Variants in SH3PXD2A observed in about 807,000 individuals in gnomAD.
SH3PXD2A encodes the protein SH3 and PX domains 2A.
Under a neutral mutation model 115.2 loss-of-function variants are expected in SH3PXD2A, and 32 were observed. That is an observed-to-expected ratio of 0.28 (90% confidence interval 0.21 to 0.37). SH3PXD2A has a LOEUF of 0.37. Among genes scored for constraint, SH3PXD2A ranks in the 10% least tolerant of loss-of-function variants. The pLI, the probability that SH3PXD2A is intolerant of heterozygous loss-of-function variation, is 1.00. For missense variants in SH3PXD2A, 1,328 were observed against 1,498.7 expected, an observed-to-expected ratio of 0.89 and a Z score of 1.88; for synonymous variants, 610 against 629.1, an observed-to-expected ratio of 0.97 and a Z score of 0.45.
At chr10:103,803,331 G>A (rs1045155585) in intron 1 of SH3PXD2A, among the ~76,000 whole-genome samples, 5 of 152,134 alleles carry the variant, frequency 3.3e-5, no homozygotes, top group African/African-American at 7.2e-5. Context: ...TATAATAAAT[G>A]GGGGTATGCT....
chr10:103,675,094 C>T (rs1310932777), intron 6 of SH3PXD2A, among the ~76,000 whole-genome samples: 2 of 152,036 alleles, frequency 1.3e-5, no homozygotes, highest in African/African-American at 4.8e-5. Flanking sequence ...CACTGGAGGG[C>T]GAGGGGTGAA....
chr10:103,847,954 C>G (rs7910369), intron 1 of SH3PXD2A, among the ~76,000 whole-genome samples: 4 of 962 alleles, frequency 4.2e-3, no homozygotes, highest in African/African-American at 0.017. Flanking sequence ...AAAAAAAAAC[C>G]AACTAAAACA....
chr10:103,730,328 G>A (rs1380648445), intron 4 of SH3PXD2A, among the ~76,000 whole-genome samples: 1 of 148,230 alleles, frequency 6.7e-6, no homozygotes, highest in African/African-American at 2.5e-5. Flanking sequence ...GAAATCTTGT[G>A]GGTAAAAGCC....
intron 3 of SH3PXD2A, among the ~76,000 whole-genome samples, chr10:103,759,387 A>C (rs1028050560): frequency 6.6e-6 from 1 of 152,174 alleles, no homozygotes; most frequent in African/African-American, 2.4e-5. Context: ...TTTCTCCCTA[A>C]GCAATCTCAC....
chr10:103,835,245 TCTG>T (rs1379030074), intron 1 of SH3PXD2A, among the ~76,000 whole-genome samples: 1 of 152,206 alleles, frequency 6.6e-6, no homozygotes, highest in African/African-American at 2.4e-5. Flanking sequence ...CAGACTTGCA[TCTG>T]GGATTGCAGC....
At chr10:103,823,220 G>C (rs891963658) in intron 1 of SH3PXD2A, among the ~76,000 whole-genome samples, 2 of 152,202 alleles carry the variant, frequency 1.3e-5, no homozygotes, top group African/African-American at 4.8e-5. Context: ...AGGTAGCCTA[G>C]GTTTGCTGAC....
intron 2 of SH3PXD2A, among the ~76,000 whole-genome samples, chr10:103,795,274 G>A (rs575212561): frequency 6.6e-5 from 10 of 151,888 alleles, no homozygotes; most frequent in African/African-American, 1.9e-4. Flanking sequence ...AGTGGCCACC[G>A]CGTTGGACAG....
intron 5 of SH3PXD2A, among the ~76,000 whole-genome samples, chr10:103,702,596 C>CCTGTGTGTGTGCGTGTGTGTGTGTGT (rs72182362): frequency 2.7e-5 from 4 of 147,448 alleles, no homozygotes; most frequent in Non-Finnish European, 4.5e-5. Flanking sequence ...TGTGTGTGTG[C>CCTGTGTGTGTGCGTGTGTGTGTGTGT]GTGTGTGTGT....
chr10:103,707,639 G>A (rs1011906837), intron 5 of SH3PXD2A, among the ~76,000 whole-genome samples: 4 of 151,944 alleles, frequency 2.6e-5, no homozygotes, highest in African/African-American at 7.2e-5. Flanking sequence ...TGAACCACCC[G>A]GCCCAGCTGC....
intron 1 of SH3PXD2A, among the ~76,000 whole-genome samples, chr10:103,805,476 A>G (rs2039192768): frequency 6.6e-6 from 1 of 152,234 alleles, no homozygotes; most frequent in Non-Finnish European, 1.5e-5. Flanking sequence ...GCTCACATCC[A>G]TTGGTGGCAG....
Position 103,765,272 on chromosome 10 carries a change from C to A in SH3PXD2A, c.229+1822G>T, listed in dbSNP as rs117019116. On this transcript the variant is annotated intron_variant, in intron 3 of 14. Transcript: ENST00000369774. Reference sequence around the variant, plus strand: ...CGTTCCACCCTCCAAGCCTACCCATCCTGTGGGGGCCAGCTCCAGGCCCCC... The same window carrying A: ...CGTTCCACCCTCCAAGCCTACCCATACTGTGGGGGCCAGCTCCAGGCCCCC... 2.0e-4 allele frequency among the ~76,000 whole-genome samples: 30 copies of A among 152,284 alleles called. No individual in the cohort carries two copies. In the East Asian group the frequency reaches 5.8e-3, roughly 29 times the overall value.
rs1373923107 is a variant in SH3PXD2A, at chr10:103,599,403, G to C, written c.*2413C>G. On this transcript the variant is annotated 3_prime_UTR_variant, in exon 15 of 15. Coordinates refer to ENST00000369774, the MANE Select transcript of SH3PXD2A (RefSeq NM_001394015.1). ...GCAGACATGCTCTGCACTCCCTCCT[G>C]GCCTGGCTGGCGCACTAGTGACTGA... 6.6e-6 allele frequency: 1 copy of C among 152,662 alleles called. No homozygotes were observed. The highest frequency in any genetic ancestry group is 1.9e-4 in the East Asian group (1 of 5,194). 9.5% of individuals were successfully genotyped at this position (152,662 alleles called of 1,614,324 possible).
chr10:103,728,987 G>A lies in SH3PXD2A; in HGVS notation c.307-4626C>T, dbSNP rs569472620. 8.6e-5 allele frequency among the ~76,000 whole-genome samples: 13 copies of A among 150,544 alleles called. 1 individual carries two copies. In the East Asian group the frequency reaches 1.2e-3, roughly 14 times the overall value. ...AGCTCACTGCAGCCTCCCCCTCGCC[G>A]GGTTCAAGCGATTCTCCTGTCTCAG... On this transcript the variant is annotated intron_variant, in intron 4 of 14. Coordinates refer to ENST00000369774, the MANE Select transcript of SH3PXD2A (RefSeq NM_001394015.1).
intron 5 of SH3PXD2A, chr10:103,693,740 C>T (rs912095226): frequency 2.0e-5 from 3 of 152,270 alleles, no homozygotes; most frequent in African/African-American, 2.4e-5. Context: ...TAAGGTCCTT[C>T]TCAAAGGCTA....
chr10:103,594,345 G>A lies in SH3PXD2A; in HGVS notation c.*7471C>T, dbSNP rs553753129. 6 of 152,740 alleles carry A rather than the reference G, an allele frequency of 3.9e-5. No homozygotes were observed. The highest frequency in any genetic ancestry group is 3.9e-4 in the East Asian group (2 of 5,190). 9.5% of individuals were successfully genotyped at this position (152,740 alleles called of 1,614,324 possible). Reference sequence around the variant, plus strand: ...CTGGAAATATTTCAGCACTCAAATCGACTGCACTGAGTTTAATGTCCTTTC... The same window carrying A: ...CTGGAAATATTTCAGCACTCAAATCAACTGCACTGAGTTTAATGTCCTTTC... On this transcript the variant is annotated 3_prime_UTR_variant, in exon 15 of 15. Coordinates refer to ENST00000369774, the MANE Select transcript of SH3PXD2A (RefSeq NM_001394015.1).
Position 103,758,794 on chromosome 10 carries a change from T to C in SH3PXD2A, c.229+8300A>G, listed in dbSNP as rs144955740. Among the ~76,000 whole-genome samples the C allele has an allele frequency of 1.4e-3, 215 of 152,342 alleles. 2 individuals are homozygous for C. The highest frequency in any genetic ancestry group is 5.0e-3 in the African/African-American group (207 of 41,568). The stretch of plus-strand genomic sequence containing the variant: ...TGTTTAAGATGGCACACGGTGCCTC[T>C]CAGGCCTATAATCTTGTTGACCTTT... On this transcript the variant is annotated intron_variant, in intron 3 of 14. Coordinates refer to ENST00000369774, the MANE Select transcript of SH3PXD2A (RefSeq NM_001394015.1).
intron 4 of SH3PXD2A, among the ~76,000 whole-genome samples, chr10:103,732,249 TTG>T (rs1189135490): frequency 6.6e-6 from 1 of 152,202 alleles, no homozygotes; most frequent in East Asian, 1.9e-4. Flanking sequence ...ACTTAAAAAA[TTG>T]TGAGTCCAAG....
intron 1 of SH3PXD2A, among the ~76,000 whole-genome samples, chr10:103,826,936 G>C (rs925747866): frequency 2.0e-5 from 3 of 152,144 alleles, no homozygotes; most frequent in Non-Finnish European, 2.9e-5. Flanking sequence ...AGGATGCTTC[G>C]GCCCGGCTAA....
chr10:103,836,093 CT>C (rs2039536758), intron 1 of SH3PXD2A, among the ~76,000 whole-genome samples: 1 of 152,150 alleles, frequency 6.6e-6, no homozygotes, highest in Non-Finnish European at 1.5e-5. Flanking sequence ...AACACAGTCT[CT>C]TTTGAGAGCA....
Sources: gnomAD v4.1 joint callset for allele counts (sites outside exome capture counted in the v4.1 genomes callset) on GRCh38, gnomAD v4.1.1 for gene constraint, MANE v1.5 for transcripts, NCBI Gene and HGNC (gene_info 2026-07-23, HGNC 2026-07-21) for gene names.